KLHL8: variants seen among roughly 807,000 people sequenced by gnomAD.
KLHL8 encodes the protein kelch like family member 8, also known as kelch-like protein 8.
KLHL8 carries 38 observed loss-of-function variants against 63.5 expected under a neutral mutation model. The observed-to-expected ratio is 0.60, with a 90% CI of 0.46 to 0.78. The LOEUF (loss-of-function observed/expected upper bound fraction) is 0.78. Ranked by LOEUF, KLHL8 falls within the 30% of genes least tolerant of loss-of-function variation. KLHL8 has a pLI of 0.00. For synonymous variants in KLHL8, 224 were observed against 254.3 expected, an observed-to-expected ratio of 0.88 and a Z score of 1.13; for missense variants, 566 against 752.4, an observed-to-expected ratio of 0.75 and a Z score of 2.90.
intron 1 of KLHL8, among the ~76,000 whole-genome samples, chr4:87,225,922 C>A (rs1732965018): frequency 6.6e-6 from 1 of 151,938 alleles, no homozygotes; most frequent in South Asian, 2.1e-4. Flanking sequence ...AATCAGTTTC[C>A]ATTTCCCATG....
intron 8 of KLHL8, among the ~76,000 whole-genome samples, chr4:87,169,664 C>T (rs1304153505): frequency 6.6e-6 from 1 of 152,110 alleles, no homozygotes; most frequent in African/African-American, 2.4e-5. Flanking sequence ...TTGTTCATGA[C>T]CAGCCTGGGC....
intron 2 of KLHL8, among the ~76,000 whole-genome samples, chr4:87,190,607 G>C (rs2110004521): frequency 6.7e-6 from 1 of 150,172 alleles, no homozygotes; most frequent in East Asian, 1.9e-4. Flanking sequence ...TCGTGCCATT[G>C]CACTCCAGCC....
At chr4:87,193,049 G>GTA (rs1454260059) in intron 2 of KLHL8, among the ~76,000 whole-genome samples, 1 of 152,006 alleles carries the variant, frequency 6.6e-6, no homozygotes, top group East Asian at 1.9e-4. Context: ...TATAAACACT[G>GTA]TACACTTATG....
chr4:87,228,952 G>A (rs1341829612), intron 1 of KLHL8, among the ~76,000 whole-genome samples: 1 of 152,198 alleles, frequency 6.6e-6, no homozygotes, highest in Non-Finnish European at 1.5e-5. Context: ...CAAATTCTCA[G>A]CTTCTCTGGC....
At chr4:87,167,053 AAG>A (rs1377860612) in intron 8 of KLHL8, 1 of 291,312 alleles carries the variant, frequency 3.4e-6, no homozygotes, top group African/African-American at 2.2e-5. Flanking sequence ...GGCCCTACTC[AAG>A]ACTCATGGCC....
intron 1 of KLHL8, among the ~76,000 whole-genome samples, chr4:87,231,894 G>C (rs1038521110): frequency 6.6e-6 from 1 of 151,992 alleles, no homozygotes; most frequent in Non-Finnish European, 1.5e-5. Flanking sequence ...CACCATGCCC[G>C]GTTGATTGTC....
chr4:87,219,557 A>G (rs1236021836), intron 1 of KLHL8: 1 of 152,278 alleles, frequency 6.6e-6, no homozygotes, highest in Non-Finnish European at 1.5e-5. Context: ...TTTTCTATGA[A>G]AAGTCACCCG....
rs200101206 is a variant in KLHL8, at chr4:87,170,439, T to G, written c.1377+8A>C. On this transcript the variant is annotated splice_region_variant and intron_variant, in intron 7 of 9. Coordinates refer to ENST00000273963, the MANE Select transcript of KLHL8 (RefSeq NM_020803.5). ...TGTAATTTAATGACAAGTTGCCATATAACTTACTACTAGAGCAACAGAGCC... is the reference window on the plus strand; with the variant it reads ...TGTAATTTAATGACAAGTTGCCATAGAACTTACTACTAGAGCAACAGAGCC... 3 of 1,589,118 alleles carry G rather than the reference T, an allele frequency of 1.9e-6. No individual in the cohort carries two copies. The highest frequency in any genetic ancestry group is 2.6e-6 in the Non-Finnish European group (3 of 1,171,950).
chr4:87,210,415 A>G (rs1478530638), intron 1 of KLHL8, among the ~76,000 whole-genome samples: 1 of 152,146 alleles, frequency 6.6e-6, no homozygotes, highest in African/African-American at 2.4e-5. Context: ...TGGCAGGCAG[A>G]GCTTGCAGTG....
intron 1 of KLHL8, among the ~76,000 whole-genome samples, chr4:87,201,402 G>C (rs1168007057): frequency 6.6e-6 from 1 of 152,030 alleles, no homozygotes; most frequent in Non-Finnish European, 1.5e-5. Flanking sequence ...AAACCAAAAA[G>C]AACTAAAGGG....
At chr4:87,238,375 T>A (rs116206923) in intron 1 of KLHL8, among the ~76,000 whole-genome samples, 12 of 152,246 alleles carry the variant, frequency 7.9e-5, no homozygotes, top group African/African-American at 2.7e-4. Context: ...CACTGTGTAA[T>A]AGAACTTTTT....
At chr4:87,209,448 A>G (rs190405197) in intron 1 of KLHL8, among the ~76,000 whole-genome samples, 1 of 152,358 alleles carries the variant, frequency 6.6e-6, no homozygotes, top group East Asian at 1.9e-4. Context: ...TCAACAAAAT[A>G]GGAAGTTATG....
chr4:87,164,394 C>G (rs1730296601), intron 8 of KLHL8, among the ~76,000 whole-genome samples: 1 of 151,970 alleles, frequency 6.6e-6, no homozygotes, highest in Non-Finnish European at 1.5e-5. Flanking sequence ...CACAAACATT[C>G]ATAAATTTGT....
intron 2 of KLHL8, 118 bp from the exon 3 acceptor site, chr4:87,185,917 T>A (rs1731235896): frequency 1.2e-6 from 1 of 808,144 alleles, no homozygotes; most frequent in Non-Finnish European, 1.9e-6. Context: ...TATCTTTTTA[T>A]AAGGCGATCC....
chr4:87,222,662 C>A (rs868151476), upstream of KLHL8, among the ~76,000 whole-genome samples: 2 of 152,094 alleles, frequency 1.3e-5, no homozygotes, highest in African/African-American at 2.4e-5. Context: ...CAGCTCACTG[C>A]AACCTCCACC....
Position 87,170,498 on chromosome 4 carries a change from T to G in KLHL8, c.1326A>C (p.Thr442=), listed in dbSNP as rs1452242273. 6.2e-7 allele frequency: 1 copy of G among 1,613,406 alleles called. No homozygotes were observed. Among genetic ancestry groups the G allele is most frequent in the Non-Finnish European group, 8.5e-7 (1 of 1,179,756 alleles). ...RYDIESDQWS[T]VAPMNTPRGG... Reference sequence around the variant, plus strand: ...CACGGGGAGTATTCATTGGTGCCACTGTACTCCACTGATCAGATTCTATGT... The same window carrying G: ...CACGGGGAGTATTCATTGGTGCCACGGTACTCCACTGATCAGATTCTATGT... Residue 442 remains threonine (T), a synonymous_variant, in exon 7 of 10, where the codon ACA becomes ACC. Coordinates refer to ENST00000273963, the MANE Select transcript of KLHL8 (RefSeq NM_020803.5).
intron 1 of KLHL8, among the ~76,000 whole-genome samples, chr4:87,236,032 A>C (rs767728013): frequency 1.8e-4 from 27 of 152,190 alleles, no homozygotes; most frequent in Non-Finnish European, 3.2e-4. Context: ...GTTGGTAGAA[A>C]TAGAAACCAA....
intron 1 of KLHL8, among the ~76,000 whole-genome samples, chr4:87,209,907 G>A (rs1455254791): frequency 2.8e-5 from 4 of 145,274 alleles, no homozygotes; most frequent in Non-Finnish European, 4.5e-5. Flanking sequence ...AAGCTGGAGT[G>A]CAGTGGCGCA....
chr4:87,226,283 C>T (rs772172325), intron 1 of KLHL8, among the ~76,000 whole-genome samples: 1 of 151,964 alleles, frequency 6.6e-6, no homozygotes, highest in Non-Finnish European at 1.5e-5. Context: ...CTATATTAGG[C>T]CAGGCGCGAT....
Sources: allele counts gnomAD v4.1 joint callset (sites outside exome capture counted in the v4.1 genomes callset), GRCh38; gene constraint gnomAD v4.1.1; transcripts MANE v1.5; gene names NCBI Gene and HGNC (gene_info 2026-07-23, HGNC 2026-07-21).